Variants in SLF2 observed in about 807,000 individuals in gnomAD.
The protein encoded by SLF2 is SMC5/6 complex localization factor 2.
Under a neutral mutation model 124.3 loss-of-function variants are expected in SLF2, and 68 were observed. That is an observed-to-expected ratio of 0.55 (90% CI 0.45 to 0.67). The LOEUF (loss-of-function observed/expected upper bound fraction) is 0.67. Ranked by LOEUF, SLF2 falls within the 30% of genes least tolerant of loss-of-function variation. SLF2 has a pLI of 0.00. For missense variants in SLF2, 1,246 were observed against 1,373.7 expected (o/e 0.91, Z 1.47); for synonymous variants, 480 against 478.8 (o/e 1.00, Z -0.03).
intron 5 of SLF2, among the ~76,000 whole-genome samples, chr10:100,925,419 T>C (rs2133770410): frequency 6.6e-6 from 1 of 152,338 alleles, no homozygotes; most frequent in South Asian, 2.1e-4. Context: ...ATTATTTTCT[T>C]CCTGCACCCC....
At chr10:100,934,574 ACTC>A (rs745755323) in intron 9 of SLF2, among the ~76,000 whole-genome samples, 11 of 151,346 alleles carry the variant, frequency 7.3e-5, no homozygotes, top group Non-Finnish European at 1.0e-4. Flanking sequence ...AGTTCAGGTT[ACTC>A]CTCCTTACAT....
At chr10:100,957,990 A>G (rs1850364461) in intron 18 of SLF2, among the ~76,000 whole-genome samples, 1 of 152,170 alleles carries the variant, frequency 6.6e-6, no homozygotes, top group Admixed American at 6.5e-5. Flanking sequence ...CAGAGCTTGC[A>G]GTGAGCTGAG....
rs767681275 is a variant in SLF2, at chr10:100,938,748, C to T, written c.2654+12C>T. The T allele has an allele frequency of 1.9e-6, 3 of 1,584,152 alleles. No homozygotes were observed. Among genetic ancestry groups the T allele is most frequent in the South Asian group, 2.3e-5 (2 of 85,240 alleles). ...GAAGACTATCTAGTGTAAGTTTTCT[C>T]ATCATAATTAACGCCAAAAATATCA... On this transcript the variant is annotated intron_variant, in intron 11 of 19. Transcript: ENST00000238961.
chr10:100,922,786 T>G (rs571389904), intron 4 of SLF2, among the ~76,000 whole-genome samples: 126 of 151,992 alleles, frequency 8.3e-4, no homozygotes, highest in African/African-American at 2.9e-3. Context: ...ATTTTTTTTT[T>G]TTTTTTTGAA....
chr10:100,913,319 C>T (rs1849355687), intron 1 of SLF2, 69 bp downstream of exon 1: 4 of 1,377,758 alleles, frequency 2.9e-6, no homozygotes, highest in South Asian at 3.2e-5. Context: ...GGCTGCAGAC[C>T]GCCGCTCTTC....
At chr10:100,929,801 G>T in intron 7 of SLF2, 29 bp from the exon 8 acceptor site, 1 of 1,511,412 alleles carries the variant, frequency 6.6e-7, no homozygotes, top group Non-Finnish European at 9.0e-7. Flanking sequence ...GTAACAATTT[G>T]GTATTGATTG....
chr10:100,926,083 T>C (rs1371316568), intron 6 of SLF2, 64 bp downstream of exon 6: 2 of 1,613,646 alleles, frequency 1.2e-6, no homozygotes, highest in Admixed American at 1.7e-5. Flanking sequence ...GGCTTACTTT[T>C]AATTTACCTT....
rs1247686862 is a variant in SLF2 at position 100,916,850 on chromosome 10, T to A, written c.465T>A (p.Tyr155Ter). ...KGTNIYVPSS[Y>*]HLPKEMKSLK... ...CAAATATCTATGTTCCTTCTTCATA[T>A]CACTTGCCAAAGGAGATGAAGTCAC... is the stretch of plus-strand genomic sequence containing the variant. The change falls in exon 3 of 20, where the codon TAT becomes TAA. Residue 155 changes from tyrosine to a stop codon, truncating the protein, a stop_gained. Transcript: ENST00000238961. LOFTEE classifies it high-confidence loss of function. 1 of 1,614,154 alleles carries A rather than the reference T, an allele frequency of 6.2e-7. No homozygotes were observed. Among genetic ancestry groups the A allele is most frequent in the South Asian group, 1.1e-5 (1 of 91,084 alleles).
chr10:100,944,613 A>G (rs561707587), intron 12 of SLF2, among the ~76,000 whole-genome samples: 4 of 152,082 alleles, frequency 2.6e-5, no homozygotes, highest in African/African-American at 7.2e-5. Context: ...TTGTTTTAAT[A>G]TTAGTGATGA....
intron 9 of SLF2, among the ~76,000 whole-genome samples, chr10:100,932,949 G>A (rs918669142): frequency 2.0e-5 from 3 of 152,052 alleles, no homozygotes; most frequent in African/African-American, 4.8e-5. Context: ...CTAAAGATAC[G>A]TGGACACATG....
At position 100,944,221 on chromosome 10, in the gene SLF2, C is replaced by T. The variant is rs3740481; in HGVS notation, c.2757+93C>T. The T allele has an allele frequency of 0.81, 655,997 of 810,562 alleles. 266,714 individuals carry two copies. Among genetic ancestry groups the T allele is most frequent in the Admixed American group, 0.82 (22,223 of 26,986 alleles). 50.2% of individuals were successfully genotyped at this position (810,562 alleles called of 1,614,324 possible). The stretch of plus-strand genomic sequence containing the variant: ...TAAAAAAAAAAAAGTCTCGGCCGGG[C>T]GCGGTGGCTCACGCCTGTAATCCCA... On this transcript the variant is annotated intron_variant, in intron 12 of 19. Transcript: ENST00000238961.
Position 100,930,972 on chromosome 10 carries a change from T to G in SLF2, c.2334-4T>G. ...GCCATGTTGATTTTACTTTATTTTTTCAGATCGGGAAAAACAGATCAGATT... is the reference window on the plus strand; with the variant it reads ...GCCATGTTGATTTTACTTTATTTTTGCAGATCGGGAAAAACAGATCAGATT... On this transcript the variant is annotated splice_polypyrimidine_tract_variant and splice_region_variant and intron_variant, in intron 8 of 19. Transcript: ENST00000238961. 1 of 1,611,868 alleles carries G rather than the reference T, an allele frequency of 6.2e-7. No homozygotes were observed. Among genetic ancestry groups the G allele is most frequent in the South Asian group, 1.1e-5 (1 of 90,818 alleles).
In SLF2 at chr10:100,947,078, C is replaced by A; in HGVS notation, c.2974C>A (p.His992Asn). The change falls in exon 14 of 20, where the codon CAT becomes AAT. Residue 992 changes from histidine to asparagine, a missense_variant. His to Asn is a moderately conservative substitution (Grantham distance 68, BLOSUM62 1). Transcript: ENST00000238961. ...TCTGGGCATAAATGAACTCTCCAGT[C>A]ATCCCCACAACCTCCTGTGGTTGGT... ...LCLGINELSSHPHNLLWLVQL... is the reference protein window; with the variant it reads ...LCLGINELSSNPHNLLWLVQL... 6.2e-7 allele frequency: 1 copy of A among 1,612,600 alleles called. No individual in the cohort carries two copies. Among genetic ancestry groups the A allele is most frequent in the Non-Finnish European group, 8.5e-7 (1 of 1,179,452 alleles).
chr10:100,940,730 TCCCTTCCC>T (rs1459864281), intron 11 of SLF2, among the ~76,000 whole-genome samples: 3 of 60,490 alleles, frequency 5.0e-5, no homozygotes, highest in Non-Finnish European at 8.8e-5. Flanking sequence ...CCTCCTTCCC[TCCCTTCCC>T]TCCCTTCCCC....
intron 4 of SLF2, among the ~76,000 whole-genome samples, chr10:100,921,407 A>G (rs1304794157): frequency 2.6e-5 from 4 of 152,144 alleles, no homozygotes; most frequent in East Asian, 3.9e-4. Context: ...TACAAACTCA[A>G]TCTCTCTCTT....
intron 16 of SLF2, among the ~76,000 whole-genome samples, chr10:100,950,453 C>G (rs1172747042): frequency 1.3e-5 from 2 of 151,924 alleles, no homozygotes; most frequent in South Asian, 2.1e-4. Context: ...TTTTTGTAGC[C>G]CTTTATTAGG....
chr10:100,959,806 C>G (rs1174489095), intron 19 of SLF2, among the ~76,000 whole-genome samples: 2 of 152,066 alleles, frequency 1.3e-5, no homozygotes, highest in African/African-American at 4.8e-5. Context: ...TAGATTTTAC[C>G]CACTTAACGT....
intron 17 of SLF2, among the ~76,000 whole-genome samples, chr10:100,951,737 CG>C (rs1255299886): frequency 1.3e-5 from 2 of 152,184 alleles, no homozygotes; most frequent in African/African-American, 4.8e-5. Flanking sequence ...GCTTTTAGCT[CG>C]TTTCTTCCCA....
At chr10:100,957,350 TTTTTTTTTTTTTTTTTTG>T (rs1393049478) in intron 18 of SLF2, among the ~76,000 whole-genome samples, 15 of 128,490 alleles carry the variant, frequency 1.2e-4, no homozygotes, top group Admixed American at 3.2e-4. Flanking sequence ...TTTTTTTTTT[TTTTTTTTTTTTTTTTTTG>T]AGATGGAGTT....
Sources: allele counts gnomAD v4.1 joint callset (sites outside exome capture counted in the v4.1 genomes callset), GRCh38; gene constraint gnomAD v4.1.1; transcripts MANE v1.5; gene names NCBI Gene and HGNC (gene_info 2026-07-23, HGNC 2026-07-21).